The following SYNPR variants were observed in gnomAD, a reference collection of about 807,000 sequenced individuals.
The protein encoded by SYNPR is synaptoporin.
Under a neutral mutation model 32.9 loss-of-function variants are expected in SYNPR, and 23 were observed. The observed-to-expected ratio is 0.70, with a 90% CI of 0.50 to 0.99. SYNPR has a LOEUF of 0.99. Among genes scored for constraint, SYNPR ranks in the 50% least tolerant of loss-of-function variants. The probability of loss-of-function intolerance (pLI) is 0.00; values close to 1 mark genes in which losing one functional copy is unlikely to be tolerated. For missense variants in SYNPR, 318 were observed against 349.3 expected (o/e 0.91, Z 0.71); for synonymous variants, 146 against 135.9 (o/e 1.07, Z -0.52).
At chr3:63,386,126 C>T (rs764991095) in intron 2 of SYNPR, among the ~76,000 whole-genome samples, 1 of 152,146 alleles carries the variant, frequency 6.6e-6, no homozygotes, top group Non-Finnish European at 1.5e-5. Flanking sequence ...ATATAGAGTG[C>T]TAACTACAAA....
At chr3:63,445,355 G>T (rs755281861) in intron 2 of SYNPR, among the ~76,000 whole-genome samples, 1 of 152,152 alleles carries the variant, frequency 6.6e-6, no homozygotes, top group Non-Finnish European at 1.5e-5. Context: ...TCTTTAAAAG[G>T]TCGGGATCCT....
intron 4 of SYNPR, among the ~76,000 whole-genome samples, chr3:63,580,280 C>G (rs17069084): frequency 6.6e-6 from 1 of 152,114 alleles, no homozygotes. Flanking sequence ...GGAATGATTG[C>G]GTTCCTTTGC....
At chr3:63,570,448 C>A (rs1349000664) in intron 4 of SYNPR, among the ~76,000 whole-genome samples, 1 of 152,176 alleles carries the variant, frequency 6.6e-6, no homozygotes, top group Non-Finnish European at 1.5e-5. Context: ...TCCCGTCATC[C>A]CCGGTATTCC....
At chr3:63,208,385 C>T in the SYNPR span, among the ~76,000 whole-genome samples, 20 of 152,182 alleles carry the variant, frequency 1.3e-4, no homozygotes, top group Non-Finnish European at 2.9e-4. Flanking sequence ...CCTGATGCTG[C>T]TGTCAAATCT....
At chr3:63,408,224 GGAAGGAAAGAAA>G (rs1352099810) in intron 2 of SYNPR, among the ~76,000 whole-genome samples, 12 of 44,628 alleles carry the variant, frequency 2.7e-4, no homozygotes, top group Non-Finnish European at 2.7e-4. Flanking sequence ...AAGGAAGGAA[GGAAGGAAAGAAA>G]GAAAGAAAGA....
At chr3:63,270,525 G>C (rs1318382455) in intron 3 of SYNPR, among the ~76,000 whole-genome samples, 2 of 152,134 alleles carry the variant, frequency 1.3e-5, no homozygotes, top group African/African-American at 2.4e-5. Context: ...CTAAATAAAA[G>C]CCTCATCAAT....
intron 2 of SYNPR, among the ~76,000 whole-genome samples, chr3:63,260,558 A>G (rs1033055920): frequency 6.6e-6 from 1 of 152,240 alleles, no homozygotes; most frequent in Non-Finnish European, 1.5e-5. Context: ...TACACCTTAT[A>G]CAAAAAGTAA....
intron 2 of SYNPR, among the ~76,000 whole-genome samples, chr3:63,302,215 G>A (rs954796377): frequency 6.6e-6 from 1 of 152,028 alleles, no homozygotes; most frequent in Non-Finnish European, 1.5e-5. Flanking sequence ...AGCTTTAGGA[G>A]AGTTGCAGTT....
chr3:63,302,259 G>A (rs189632449), intron 2 of SYNPR, among the ~76,000 whole-genome samples: 15 of 152,058 alleles, frequency 9.9e-5, no homozygotes, highest in African/African-American at 2.9e-4. Flanking sequence ...ATTGTTTCCC[G>A]ATATAAACTA....
chr3:63,490,070 A>G (rs905060680), intron 3 of SYNPR, among the ~76,000 whole-genome samples: 15 of 152,316 alleles, frequency 9.8e-5, no homozygotes, highest in African/African-American at 3.6e-4. Context: ...ACTATTTTAG[A>G]TCAGCTGGTT....
chr3:63,254,069 A>G (rs1324286396), intron 2 of SYNPR, among the ~76,000 whole-genome samples: 1 of 152,094 alleles, frequency 6.6e-6, no homozygotes, highest in African/African-American at 2.4e-5. Context: ...TCGCAAGGAC[A>G]AAAAAACCAA....
chr3:63,396,668 T>G (rs963536979), intron 2 of SYNPR, among the ~76,000 whole-genome samples: 6 of 152,154 alleles, frequency 3.9e-5, no homozygotes, highest in Non-Finnish European at 7.4e-5. Flanking sequence ...ATACTTAAAA[T>G]CTGACATAGA....
In SYNPR at chr3:63,259,542, C is replaced by T. The variant is rs183848891; in HGVS notation, n.154+6956C>T. On this transcript the variant is annotated intron_variant and non_coding_transcript_variant, in intron 2 of 4. Coordinates refer to the SYNPR transcript ENST00000478456. ...TCAACAGCCCTTCATGCTAAAAACT[C>T]TCAATAAATTAGGTATTGATGGGAC... Among the ~76,000 whole-genome samples the T allele has an allele frequency of 2.9e-3, 448 of 152,286 alleles. 2 individuals are homozygous for T. The highest frequency in any genetic ancestry group is 3.9e-3 in the Non-Finnish European group (268 of 68,024).
chr3:63,219,681 A>G, the SYNPR span, among the ~76,000 whole-genome samples: 1 of 152,224 alleles, frequency 6.6e-6, no homozygotes, highest in Non-Finnish European at 1.5e-5. Flanking sequence ...TAAGCTAGAG[A>G]AAAGAAAATA....
At chr3:63,574,818 GAGAT>G (rs1702950095) in intron 4 of SYNPR, among the ~76,000 whole-genome samples, 1 of 152,156 alleles carries the variant, frequency 6.6e-6, no homozygotes. Context: ...CTCAGGGGTA[GAGAT>G]AGATAGATAA....
intron 2 of SYNPR, among the ~76,000 whole-genome samples, chr3:63,333,964 C>T (rs1447138011): frequency 1.3e-5 from 2 of 152,158 alleles, no homozygotes; most frequent in Admixed American, 6.5e-5. Context: ...AAAAGATGGT[C>T]TATAGTAATA....
At chr3:63,294,091 A>G (rs2086770070) in intron 2 of SYNPR, among the ~76,000 whole-genome samples, 1 of 152,106 alleles carries the variant, frequency 6.6e-6, no homozygotes, top group East Asian at 1.9e-4. Flanking sequence ...TTTAATGTCT[A>G]TATGTGATTA....
intron 2 of SYNPR, among the ~76,000 whole-genome samples, chr3:63,264,610 A>G (rs1481875254): frequency 6.6e-6 from 1 of 152,214 alleles, no homozygotes; most frequent in African/African-American, 2.4e-5. Flanking sequence ...TTTTCCGTGA[A>G]GTAAGTGGTA....
At chr3:63,211,763 G>A in the SYNPR span, among the ~76,000 whole-genome samples, 2 of 145,022 alleles carry the variant, frequency 1.4e-5, no homozygotes, top group Non-Finnish European at 3.0e-5. Flanking sequence ...CATTGTGCAG[G>A]TTAGTTACAT....
Sources: allele counts gnomAD v4.1 joint callset (sites outside exome capture counted in the v4.1 genomes callset), GRCh38; gene constraint gnomAD v4.1.1; transcripts MANE v1.5; gene names NCBI Gene and HGNC (gene_info 2026-07-23, HGNC 2026-07-21).